Variants in ANO2 observed in about 807,000 individuals in gnomAD.
The protein encoded by ANO2 is anoctamin-2.
A neutral mutation model predicts 124.2 loss-of-function variants in ANO2; 101 were observed. The ratio of observed to expected loss-of-function variants is 0.81; its 90% confidence interval spans 0.69 to 0.96. The LOEUF (loss-of-function observed/expected upper bound fraction) is 0.96, where lower values mean the gene tolerates loss of function less well. Among genes scored for constraint, ANO2 ranks in the 40% least tolerant of loss-of-function variants. ANO2 has a pLI of 0.00. For missense variants in ANO2, 1,293 were observed against 1,274.5 expected (o/e 1.01, Z -0.22); for synonymous variants, 486 against 482.5 (o/e 1.01, Z -0.09).
intron 14 of ANO2, among the ~76,000 whole-genome samples, chr12:5,702,877 G>A (rs1374901815): frequency 6.6e-6 from 1 of 152,056 alleles, no homozygotes; most frequent in Non-Finnish European, 1.5e-5. Context: ...GAACTGGTAG[G>A]GATATAGAAT....
intron 3 of ANO2, among the ~76,000 whole-genome samples, chr12:5,874,351 G>C (rs1937943808): frequency 6.6e-6 from 1 of 152,166 alleles, no homozygotes. Context: ...GTGAGCTTGG[G>C]GAAGTCACGT....
intron 3 of ANO2, among the ~76,000 whole-genome samples, chr12:5,888,237 C>T (rs1939100741): frequency 1.3e-5 from 2 of 152,002 alleles, no homozygotes; most frequent in African/African-American, 4.8e-5. Flanking sequence ...TTGTTCTTTC[C>T]TCCCGGTGGG....
chr12:5,699,994 G>A (rs1288903076), intron 14 of ANO2, among the ~76,000 whole-genome samples: 1 of 152,176 alleles, frequency 6.6e-6, no homozygotes, highest in African/African-American at 2.4e-5. Context: ...CATAATGGGA[G>A]ACTTTAACAC....
At chr12:5,578,312 G>C in intron 21 of ANO2, 54 bp downstream of exon 21, 11 of 1,585,080 alleles carry the variant, frequency 6.9e-6, no homozygotes, top group Non-Finnish European at 9.5e-6. Flanking sequence ...GTGGCCAGAG[G>C]GGACAGAATG....
chr12:5,896,141 G>C (rs1031377671), intron 3 of ANO2, among the ~76,000 whole-genome samples: 1 of 151,920 alleles, frequency 6.6e-6, no homozygotes. Flanking sequence ...GGGGGGTGAG[G>C]TATAAAAGAC....
intron 3 of ANO2, among the ~76,000 whole-genome samples, chr12:5,899,857 G>A (rs966071871): frequency 1.3e-5 from 2 of 152,184 alleles, no homozygotes; most frequent in Non-Finnish European, 2.9e-5. Flanking sequence ...TTGGGTGTGT[G>A]CGCTTTTCCC....
intron 14 of ANO2, among the ~76,000 whole-genome samples, chr12:5,661,196 G>A (rs534238389): frequency 1.3e-5 from 2 of 152,234 alleles, no homozygotes; most frequent in Admixed American, 6.5e-5. Flanking sequence ...CAGCTCCTCT[G>A]CCTAGTGCTT....
At chr12:5,732,874 G>T (rs149972273) in intron 13 of ANO2, 1 of 1,613,854 alleles carries the variant, frequency 6.2e-7, no homozygotes, top group East Asian at 2.2e-5. Context: ...ACCTGGGCAC[G>T]TTCCTGGGGA....
intron 3 of ANO2, among the ~76,000 whole-genome samples, chr12:5,868,216 T>C (rs1221213575): frequency 6.6e-6 from 1 of 152,092 alleles, no homozygotes; most frequent in Non-Finnish European, 1.5e-5. Context: ...AAGTTAAAAA[T>C]GTTTTTAAAA....
At chr12:5,914,400 C>G (rs1046397070) in intron 3 of ANO2, among the ~76,000 whole-genome samples, 2 of 152,080 alleles carry the variant, frequency 1.3e-5, no homozygotes, top group South Asian at 4.2e-4. Context: ...TCAGAGACAT[C>G]TCATGGCATA....
intron 14 of ANO2, among the ~76,000 whole-genome samples, chr12:5,674,474 G>A (rs1948141761): frequency 6.6e-6 from 1 of 152,188 alleles, no homozygotes; most frequent in South Asian, 2.1e-4. Context: ...AGCCAGAATG[G>A]AAGGAACTAA....
At chr12:5,567,671 A>G (rs951567741) in intron 23 of ANO2, among the ~76,000 whole-genome samples, 2 of 152,200 alleles carry the variant, frequency 1.3e-5, no homozygotes, top group African/African-American at 4.8e-5. Flanking sequence ...TTCCAGTCTG[A>G]AAAGAATCCA....
chr12:5,687,458 C>T (rs1485935794), intron 14 of ANO2, among the ~76,000 whole-genome samples: 1 of 152,244 alleles, frequency 6.6e-6, no homozygotes, highest in Admixed American at 6.5e-5. Flanking sequence ...TCCAACGAAG[C>T]ATGTGCAATT....
At chr12:5,621,768 G>A (rs961890383) in intron 16 of ANO2, among the ~76,000 whole-genome samples, 5 of 151,924 alleles carry the variant, frequency 3.3e-5, no homozygotes, top group Non-Finnish European at 7.4e-5. Context: ...GGTAACCAAC[G>A]AGAGAGATTA....
intron 10 of ANO2, among the ~76,000 whole-genome samples, chr12:5,761,161 A>T (rs1951733660): frequency 6.6e-6 from 1 of 151,858 alleles, no homozygotes; most frequent in South Asian, 2.1e-4. Context: ...CTCATCCAAA[A>T]CTCCTTCTTA....
chr12:5,913,679 A>G (rs563021338), intron 3 of ANO2, among the ~76,000 whole-genome samples: 2 of 152,356 alleles, frequency 1.3e-5, no homozygotes, highest in Admixed American at 1.3e-4. Context: ...GACCTTGGCC[A>G]AGCCACTTGG....
chr12:5,780,011 A>G (rs1952339646), intron 10 of ANO2, among the ~76,000 whole-genome samples: 1 of 152,224 alleles, frequency 6.6e-6, no homozygotes, highest in South Asian at 2.1e-4. Flanking sequence ...GGATTGTAGA[A>G]TAGGTAATGG....
chr12:5,751,111 C>T (rs369328468), intron 10 of ANO2, 141 bp from the exon 11 acceptor site: 10 of 780,156 alleles, frequency 1.3e-5, no homozygotes, highest in Admixed American at 9.5e-5. Flanking sequence ...GGAGGTTGCA[C>T]GGGGAAGGGG....
intron 14 of ANO2, among the ~76,000 whole-genome samples, chr12:5,656,645 A>G (rs975725941): frequency 7.2e-5 from 11 of 152,164 alleles, no homozygotes; most frequent in African/African-American, 2.7e-4. Flanking sequence ...CCAGGAGAGC[A>G]GAGGCCATAT....
Sources: gnomAD v4.1 joint callset for allele counts (sites outside exome capture counted in the v4.1 genomes callset) on GRCh38, gnomAD v4.1.1 for gene constraint, MANE v1.5 for transcripts, NCBI Gene and HGNC (gene_info 2026-07-23, HGNC 2026-07-21) for gene names.